Variants in TMEM272 observed in about 807,000 individuals in gnomAD.
TMEM272 encodes transmembrane protein 272.
A neutral mutation model predicts 3.7 loss-of-function variants in TMEM272; 8 were observed. The observed-to-expected ratio is 2.17, with a 90% CI of 1.27 to 3.91. The LOEUF is 3.91. Among genes scored for constraint, TMEM272 ranks in the 30% most tolerant of loss-of-function variants. The pLI is 0.00. For synonymous variants in TMEM272, 63 were observed against 39.8 expected, an observed-to-expected ratio of 1.58 and a Z score of -2.20; for missense variants, 166 against 91.5, an observed-to-expected ratio of 1.81 and a Z score of -3.32.
the TMEM272 span, among the ~76,000 whole-genome samples, chr13:51,892,011 T>A: frequency 5.9e-5 from 9 of 152,170 alleles, no homozygotes; most frequent in Non-Finnish European, 1.3e-4. Flanking sequence ...CGAGCTCACA[T>A]TTAGGGATTT....
intron 2 of TMEM272, among the ~76,000 whole-genome samples, chr13:51,829,963 C>A (rs1170396543): frequency 1.3e-5 from 2 of 152,196 alleles, no homozygotes; most frequent in African/African-American, 4.8e-5. Flanking sequence ...AAGGAAAGCA[C>A]CATTCTTATC....
At chr13:51,822,882 TG>T (rs1401463390) in intron 3 of TMEM272, among the ~76,000 whole-genome samples, 1 of 152,218 alleles carries the variant, frequency 6.6e-6, no homozygotes, top group East Asian at 1.9e-4. Flanking sequence ...TGATATGATG[TG>T]TCTATTTAAC....
At chr13:51,896,937 A>G in the TMEM272 span, among the ~76,000 whole-genome samples, 1 of 152,212 alleles carries the variant, frequency 6.6e-6, no homozygotes, top group Non-Finnish European at 1.5e-5. Flanking sequence ...TTAGATGAGC[A>G]CCTTGACAGG....
chr13:51,823,105 GCT>G (rs1956093873), intron 3 of TMEM272, among the ~76,000 whole-genome samples: 1 of 152,162 alleles, frequency 6.6e-6, no homozygotes, highest in East Asian at 1.9e-4. Context: ...ACAGAGTCTT[GCT>G]CTGTTGCCCA....
chr13:51,914,054 G>A, the TMEM272 span, among the ~76,000 whole-genome samples: 1 of 152,246 alleles, frequency 6.6e-6, no homozygotes, highest in East Asian at 1.9e-4. Context: ...CTCTGCAGGT[G>A]TGAGATGTTT....
chr13:51,900,007 G>C, the TMEM272 span, among the ~76,000 whole-genome samples: 2 of 152,058 alleles, frequency 1.3e-5, no homozygotes, highest in African/African-American at 4.8e-5. Flanking sequence ...ACTCAATATG[G>C]GTCATAGTCT....
At chr13:51,883,435 A>C in the TMEM272 span, among the ~76,000 whole-genome samples, 1 of 152,194 alleles carries the variant, frequency 6.6e-6, no homozygotes. Context: ...TCTTGACCCA[A>C]GAAGGGGCCT....
chr13:51,850,231 C>G, the TMEM272 span, among the ~76,000 whole-genome samples: 4 of 152,170 alleles, frequency 2.6e-5, no homozygotes, highest in African/African-American at 9.7e-5. Context: ...TTGTTTCTCT[C>G]TCCCCCTCTT....
chr13:51,858,846 C>T, the TMEM272 span, among the ~76,000 whole-genome samples: 319 of 152,258 alleles, frequency 2.1e-3, no homozygotes, highest in Non-Finnish European at 3.6e-3. Context: ...AAGCTCCTTC[C>T]CCCCTGCAAA....
At chr13:51,846,101 T>C (rs1388452202), upstream of TMEM272, among the ~76,000 whole-genome samples, 2 of 152,146 alleles carry the variant, frequency 1.3e-5, no homozygotes, top group Non-Finnish European at 2.9e-5. Flanking sequence ...TGCACACCCC[T>C]GGGAGGAGGG....
the TMEM272 span, among the ~76,000 whole-genome samples, chr13:51,893,022 A>G: frequency 6.6e-6 from 1 of 152,022 alleles, no homozygotes; most frequent in Non-Finnish European, 1.5e-5. Context: ...AGCTCTTCCC[A>G]TTTTCTGACA....
chr13:51,931,378 C>G, the TMEM272 span, among the ~76,000 whole-genome samples: 1 of 150,580 alleles, frequency 6.6e-6, no homozygotes, highest in Admixed American at 6.6e-5. Flanking sequence ...TCTCAGCAAA[C>G]TAACACAAGA....
the TMEM272 span, among the ~76,000 whole-genome samples, chr13:51,891,476 T>G: frequency 6.6e-6 from 1 of 152,236 alleles, no homozygotes; most frequent in Admixed American, 6.5e-5. Context: ...GGAGTTTACA[T>G]GCATTTACTG....
the TMEM272 span, among the ~76,000 whole-genome samples, chr13:51,871,046 C>T: frequency 6.6e-6 from 1 of 152,034 alleles, no homozygotes; most frequent in Admixed American, 6.6e-5. Flanking sequence ...CCCGCCTGGC[C>T]CCCTCCCCAC....
intron 3 of TMEM272, among the ~76,000 whole-genome samples, chr13:51,824,870 T>G (rs1034653162): frequency 6.6e-6 from 1 of 152,182 alleles, no homozygotes; most frequent in African/African-American, 2.4e-5. Flanking sequence ...CAAGAATCAC[T>G]TGAGCCGGGT....
At chr13:51,880,625 AAT>A in the TMEM272 span, among the ~76,000 whole-genome samples, 50,436 of 152,124 alleles carry the variant, frequency 0.33, 8,511 homozygotes, top group East Asian at 0.45. Context: ...AAAATAAAAA[AAT>A]TGACAAAATA....
intron 2 of TMEM272, among the ~76,000 whole-genome samples, chr13:51,827,024 C>T (rs965288954): frequency 1.3e-5 from 2 of 152,318 alleles, no homozygotes; most frequent in African/African-American, 2.4e-5. Flanking sequence ...GCAGATGGTT[C>T]TTCTCTTCCC....
Position 51,822,094 on chromosome 13 carries a change from A to G in TMEM272, c.162T>C (p.Pro54=). The G allele has an allele frequency of 1.4e-6, 1 of 702,546 alleles. No individual in the cohort carries two copies. Among genetic ancestry groups the G allele is most frequent in the Non-Finnish European group, 2.6e-6 (1 of 384,980 alleles). 43.5% of individuals were successfully genotyped at this position (702,546 alleles called of 1,614,324 possible). A position where few individuals can be genotyped will look rare whatever the true frequency, so the allele number is the denominator to read the frequency against. Residue 54 remains proline (P), a synonymous_variant, in exon 4 of 5, where the codon CCT becomes CCC. Coordinates refer to ENST00000629372, the MANE Select transcript of TMEM272 (RefSeq NM_001351003.2). ...LEDCPIQPLI[P]LYLLVGGIVG... ...CGATGCCACCCACTAGCAAATATAA[A>G]GGAATGAGGGGCTGTATAGGGCAGT...
the TMEM272 span, among the ~76,000 whole-genome samples, chr13:51,879,321 T>A: frequency 1.3e-5 from 2 of 151,202 alleles, no homozygotes; most frequent in African/African-American, 4.9e-5. Flanking sequence ...CCAGTACCCA[T>A]ATAAGACTTT....
Sources: allele counts gnomAD v4.1 joint callset (sites outside exome capture counted in the v4.1 genomes callset), GRCh38; gene constraint gnomAD v4.1.1; transcripts MANE v1.5; gene names NCBI Gene and HGNC (gene_info 2026-07-23, HGNC 2026-07-21).